The following PIGU variants were observed in gnomAD, a reference collection of about 807,000 sequenced individuals.
PIGU encodes GPI-anchor transamidase component PIGU.
Under a neutral mutation model 49.9 loss-of-function variants are expected in PIGU, and 24 were observed. The ratio of observed to expected loss-of-function variants is 0.48; its 90% confidence interval spans 0.35 to 0.68. PIGU has a LOEUF of 0.68. Among genes scored for constraint, PIGU ranks in the 30% least tolerant of loss-of-function variants. The pLI, the probability that PIGU is intolerant of heterozygous loss-of-function variation, is 0.01. For synonymous variants in PIGU, 220 were observed against 205.7 expected, an observed-to-expected ratio of 1.07 and a Z score of -0.59; for missense variants, 490 against 532.6, an observed-to-expected ratio of 0.92 and a Z score of 0.79.
At chr20:34,634,208 A>G (rs1171236446) in intron 6 of PIGU, among the ~76,000 whole-genome samples, 1 of 152,098 alleles carries the variant, frequency 6.6e-6, no homozygotes, top group African/African-American at 2.4e-5. Flanking sequence ...AGTAGTTGGG[A>G]CTACAGGTAC....
intron 9 of PIGU, among the ~76,000 whole-genome samples, chr20:34,583,535 AG>A (rs2146708055): frequency 6.6e-6 from 1 of 152,344 alleles, no homozygotes; most frequent in South Asian, 2.1e-4. Flanking sequence ...GGCCTGGCTT[AG>A]GTCATAAAAT....
At chr20:34,656,280 AT>A (rs752461467) in intron 2 of PIGU, among the ~76,000 whole-genome samples, 1,229 of 43,200 alleles carry the variant, frequency 0.028, 86 homozygotes, top group African/African-American at 0.092. Flanking sequence ...CCTGTTTATA[AT>A]TTTTTTTTTT....
chr20:34,673,434 T>C (rs547112636), intron 1 of PIGU, among the ~76,000 whole-genome samples: 84 of 152,252 alleles, frequency 5.5e-4, no homozygotes, highest in African/African-American at 1.9e-3. Flanking sequence ...TCCCAAATGA[T>C]ACAAATAATC....
At chr20:34,595,095 C>CAAAAAAAAAAAAAAAAAAAAAAAAAAAA (rs71194627) in intron 7 of PIGU, among the ~76,000 whole-genome samples, 1 of 71,334 alleles carries the variant, frequency 1.4e-5, no homozygotes, top group African/African-American at 5.7e-5. Context: ...GACTCCGTCT[C>CAAAAAAAAAAAAAAAAAAAAAAAAAAAA]AAAAAAAAAA....
intron 1 of PIGU, among the ~76,000 whole-genome samples, chr20:34,659,174 C>T (rs1465741989): frequency 2.4e-5 from 3 of 123,768 alleles, no homozygotes; most frequent in African/African-American, 8.9e-5. Flanking sequence ...CCCCTCTGCC[C>T]GGCCAGCCGC....
chr20:34,649,935 G>A (rs1443726474), intron 2 of PIGU, among the ~76,000 whole-genome samples: 3 of 143,086 alleles, frequency 2.1e-5, no homozygotes, highest in East Asian at 2.1e-4. Flanking sequence ...TGCAAGCTCC[G>A]CCTCCCAGGT....
At chr20:34,566,112 G>A (rs1338253032) in intron 11 of PIGU, among the ~76,000 whole-genome samples, 2 of 152,048 alleles carry the variant, frequency 1.3e-5, no homozygotes, top group Non-Finnish European at 2.9e-5. Flanking sequence ...ATACACGCAC[G>A]CTTGCCTGCT....
intron 6 of PIGU, among the ~76,000 whole-genome samples, chr20:34,626,149 T>G (rs928837459): frequency 5.3e-5 from 8 of 152,148 alleles, no homozygotes; most frequent in Middle Eastern, 3.4e-3. Flanking sequence ...ATTCTGCGAT[T>G]AATAACTTTG....
intron 6 of PIGU, among the ~76,000 whole-genome samples, chr20:34,619,472 C>A (rs2146744521): frequency 6.6e-6 from 1 of 152,286 alleles, no homozygotes; most frequent in African/African-American, 2.4e-5. Context: ...CTGAAAATAA[C>A]TTTTTAACTT....
chr20:34,625,395 A>C (rs1218613190), intron 6 of PIGU, among the ~76,000 whole-genome samples: 1 of 151,776 alleles, frequency 6.6e-6, no homozygotes, highest in Non-Finnish European at 1.5e-5. Context: ...AAAAAAAAAA[A>C]ACTACATATC....
intron 1 of PIGU, 107 bp downstream of exon 1, chr20:34,676,849 A>G: frequency 7.4e-7 from 1 of 1,356,336 alleles, no homozygotes; most frequent in Non-Finnish European, 9.9e-7. Context: ...ACAGTCAGTT[A>G]GTTCTCTAGG....
chr20:34,650,042 G>A (rs1356370451), intron 2 of PIGU, among the ~76,000 whole-genome samples: 1 of 150,076 alleles, frequency 6.7e-6, no homozygotes, highest in Non-Finnish European at 1.5e-5. Context: ...TAGAGACAGG[G>A]TTTCACCGTG....
intron 9 of PIGU, among the ~76,000 whole-genome samples, chr20:34,582,490 G>C (rs986713185): frequency 3.9e-5 from 6 of 152,046 alleles, no homozygotes; most frequent in African/African-American, 1.4e-4. Flanking sequence ...GACCAGCCTA[G>C]GCAACATAGT....
intron 3 of PIGU, 53 bp downstream of exon 3, chr20:34,645,222 A>C: frequency 6.9e-7 from 1 of 1,446,802 alleles, no homozygotes; most frequent in Non-Finnish European, 9.1e-7. Flanking sequence ...GAGACAATAA[A>C]CCATAAAATT....
chr20:34,612,624 T>C (rs941977442), intron 7 of PIGU, among the ~76,000 whole-genome samples: 2 of 151,692 alleles, frequency 1.3e-5, no homozygotes, highest in African/African-American at 4.8e-5. Context: ...CTTTTCTTTT[T>C]TTTTTTTTTC....
chr20:34,645,240 A>C, intron 3 of PIGU, 35 bp downstream of exon 3: 1 of 1,499,802 alleles, frequency 6.7e-7, no homozygotes, highest in Non-Finnish European at 8.9e-7. Flanking sequence ...ATTTAAAAAT[A>C]TATACATATC....
rs2146684431 is a variant in PIGU at position 34,560,807 on chromosome 20, T to A, written c.*59A>T. ...TGCTGGCAACTCTGGCTGGAGGGCT[T>A]GGCCCAGCTTCTGGCCCCACAGCCC... On this transcript the variant is annotated 3_prime_UTR_variant, in exon 12 of 12. Coordinates refer to ENST00000217446, the MANE Select transcript of PIGU (RefSeq NM_080476.5). 7.7e-7 allele frequency: 1 copy of A among 1,292,030 alleles called. No homozygotes were observed. Among genetic ancestry groups the A allele is most frequent in the Admixed American group, 2.6e-5 (1 of 39,062 alleles). The allele number at this position is 1,292,030 out of a possible 1,614,324, so 80.0% of individuals were successfully genotyped here.
intron 1 of PIGU, among the ~76,000 whole-genome samples, chr20:34,662,851 T>C (rs1986970219): frequency 6.6e-6 from 1 of 152,220 alleles, no homozygotes; most frequent in African/African-American, 2.4e-5. Flanking sequence ...TTCATCTTCA[T>C]TTTATGAATC....
chr20:34,610,963 C>T (rs1248058634), intron 7 of PIGU, among the ~76,000 whole-genome samples: 1 of 152,138 alleles, frequency 6.6e-6, no homozygotes, highest in African/African-American at 2.4e-5. Flanking sequence ...GGAAAGGATT[C>T]CCTATTTAAT....
Sources: allele counts gnomAD v4.1 joint callset (sites outside exome capture counted in the v4.1 genomes callset), GRCh38; gene constraint gnomAD v4.1.1; transcripts MANE v1.5; gene names NCBI Gene and HGNC (gene_info 2026-07-23, HGNC 2026-07-21).